The following ZCWPW2 variants were observed in gnomAD, a reference collection of about 807,000 sequenced individuals.
ZCWPW2 encodes zinc finger CW-type PWWP domain protein 2.
Under a neutral mutation model 46.6 loss-of-function variants are expected in ZCWPW2, and 45 were observed. The ratio of observed to expected loss-of-function variants is 0.96; its 90% CI spans 0.76 to 1.24. The LOEUF (loss-of-function observed/expected upper bound fraction) is 1.24. Among genes scored for constraint, ZCWPW2 ranks in the 50% most tolerant of loss-of-function variants. The probability of loss-of-function intolerance (pLI) is 0.00; values close to 1 mark genes in which losing one functional copy is unlikely to be tolerated. For synonymous variants in ZCWPW2, 152 were observed against 137.1 expected (o/e 1.11, Z -0.76); for missense variants, 429 against 403.9 (o/e 1.06, Z -0.53).
At chr3:28,401,492 A>G (rs1008617738) in intron 2 of ZCWPW2, among the ~76,000 whole-genome samples, 21 of 152,192 alleles carry the variant, frequency 1.4e-4, no homozygotes, top group African/African-American at 4.8e-4. Flanking sequence ...ATAGTGGGGG[A>G]CTTCAGTACT....
chr3:28,497,030 T>C (rs1262207362), intron 6 of ZCWPW2, among the ~76,000 whole-genome samples: 1 of 149,860 alleles, frequency 6.7e-6, no homozygotes, highest in Non-Finnish European at 1.5e-5. Flanking sequence ...TAATACAGGG[T>C]ATTTATATAC....
chr3:28,371,172 CT>C (rs1705322364), intron 1 of ZCWPW2, among the ~76,000 whole-genome samples: 1 of 152,054 alleles, frequency 6.6e-6, no homozygotes, highest in South Asian at 2.1e-4. Context: ...GTAAAATATT[CT>C]ACCTAAATTA....
intron 8 of ZCWPW2, among the ~76,000 whole-genome samples, chr3:28,517,552 T>G (rs1469346587): frequency 6.6e-6 from 1 of 152,134 alleles, no homozygotes; most frequent in East Asian, 1.9e-4. Flanking sequence ...ACTCAATCAT[T>G]TGTGAGAAAT....
chr3:28,426,795 G>A (rs1488918674), intron 3 of ZCWPW2, among the ~76,000 whole-genome samples: 1 of 152,102 alleles, frequency 6.6e-6, no homozygotes, highest in African/African-American at 2.4e-5. Context: ...CCCAAGTAAA[G>A]TTTGCTCTCC....
At chr3:28,440,286 C>A (rs539015929) in intron 4 of ZCWPW2, among the ~76,000 whole-genome samples, 139 of 152,194 alleles carry the variant, frequency 9.1e-4, no homozygotes, top group Non-Finnish European at 1.4e-3. Flanking sequence ...GGCAATCTTG[C>A]AGTTTAATGG....
At chr3:28,375,355 A>G (rs918010253) in intron 1 of ZCWPW2, among the ~76,000 whole-genome samples, 2 of 151,950 alleles carry the variant, frequency 1.3e-5, no homozygotes, top group African/African-American at 4.8e-5. Flanking sequence ...GTTATTATTG[A>G]TAAGTAAGGA....
At chr3:28,508,886 T>G (rs1336391764) in intron 6 of ZCWPW2, among the ~76,000 whole-genome samples, 1 of 152,216 alleles carries the variant, frequency 6.6e-6, no homozygotes, top group Non-Finnish European at 1.5e-5. Flanking sequence ...AGATTTAATT[T>G]GTATATCATA....
At chr3:28,480,303 T>C (rs958463952) in intron 5 of ZCWPW2, among the ~76,000 whole-genome samples, 1 of 152,218 alleles carries the variant, frequency 6.6e-6, no homozygotes, top group African/African-American at 2.4e-5. Flanking sequence ...TGATTTGCAG[T>C]TCTCTAATGA....
At chr3:28,357,395 C>T (rs138996570) in intron 1 of ZCWPW2, among the ~76,000 whole-genome samples, 2 of 152,066 alleles carry the variant, frequency 1.3e-5, no homozygotes, top group African/African-American at 2.4e-5. Context: ...GAATGTGTGC[C>T]GTGGGCTGCC....
chr3:28,462,675 CTTGA>C (rs1559514481), intron 4 of ZCWPW2, among the ~76,000 whole-genome samples: 1 of 152,166 alleles, frequency 6.6e-6, no homozygotes, highest in Non-Finnish European at 1.5e-5. Flanking sequence ...TTTATTACAT[CTTGA>C]TTATTTCTCT....
chr3:28,406,031 T>TGTG (rs1696144913), intron 2 of ZCWPW2, among the ~76,000 whole-genome samples: 1 of 152,208 alleles, frequency 6.6e-6, no homozygotes, highest in East Asian at 1.9e-4. Context: ...TCTAGTGTTT[T>TGTG]GTGGAAGTAG....
intron 4 of ZCWPW2, among the ~76,000 whole-genome samples, chr3:28,470,510 A>G (rs59364457): frequency 0.036 from 5,159 of 142,530 alleles, 237 homozygotes; most frequent in African/African-American, 0.11. Context: ...AAAAAAAAAA[A>G]AAGGAAGGAA....
intron 8 of ZCWPW2, among the ~76,000 whole-genome samples, chr3:28,517,939 G>A (rs925647894): frequency 1.3e-5 from 2 of 151,840 alleles, no homozygotes; most frequent in African/African-American, 2.4e-5. Context: ...AGTTCATGAC[G>A]AGCCTGGCCA....
At position 28,524,961 on chromosome 3, in the gene ZCWPW2, T is replaced by C. The variant is rs558688614; in HGVS notation, c.*273T>C. 1.6e-5 allele frequency: 3 copies of C among 188,722 alleles called. No individual in the cohort carries two copies. The highest frequency in any genetic ancestry group is 7.0e-5 in the African/African-American group (3 of 42,692). The allele number at this position is 188,722 out of a possible 1,614,324, so 11.7% of individuals were successfully genotyped here. On this transcript the variant is annotated 3_prime_UTR_variant, in exon 10 of 10. Transcript: ENST00000383768. ...CTTAATTTTTAAATGGTTTGTGAAA[T>C]TTGCCTAACAAACATATGTTTTACA...
chr3:28,512,920 T>A (rs1485084790), intron 6 of ZCWPW2, among the ~76,000 whole-genome samples: 2 of 152,198 alleles, frequency 1.3e-5, no homozygotes, highest in Admixed American at 1.3e-4. Context: ...ATTGCTGTAA[T>A]ACAAACTTAC....
intron 2 of ZCWPW2, among the ~76,000 whole-genome samples, chr3:28,404,714 T>G (rs890056053): frequency 6.6e-6 from 1 of 152,134 alleles, no homozygotes; most frequent in African/African-American, 2.4e-5. Flanking sequence ...AAAGAATGAA[T>G]TAATGGCATT....
At chr3:28,426,067 C>G (rs1299971662) in intron 3 of ZCWPW2, among the ~76,000 whole-genome samples, 1 of 151,902 alleles carries the variant, frequency 6.6e-6, no homozygotes, top group East Asian at 1.9e-4. Context: ...CAAGATAGCC[C>G]TATTGCACTC....
intron 6 of ZCWPW2, among the ~76,000 whole-genome samples, chr3:28,505,498 A>G (rs995024870): frequency 1.4e-4 from 21 of 152,124 alleles, no homozygotes; most frequent in Non-Finnish European, 2.8e-4. Context: ...CCTCTTTTTC[A>G]AAGGAAAGTT....
intron 9 of ZCWPW2, among the ~76,000 whole-genome samples, chr3:28,521,707 G>A (rs530912905): frequency 3.3e-5 from 5 of 152,274 alleles, no homozygotes; most frequent in African/African-American, 1.2e-4. Context: ...GTGATACAAG[G>A]CTCATGCCAT....
Sources: allele counts gnomAD v4.1 joint callset (sites outside exome capture counted in the v4.1 genomes callset), GRCh38; gene constraint gnomAD v4.1.1; transcripts MANE v1.5; gene names NCBI Gene and HGNC (gene_info 2026-07-23, HGNC 2026-07-21).